Variants in TLE4 observed in about 807,000 individuals in gnomAD.
TLE4 encodes the protein transducin-like enhancer protein 4.
TLE4 carries 8 observed loss-of-function variants against 92.8 expected under a neutral mutation model. That is an observed-to-expected ratio of 0.09 (90% CI 0.05 to 0.16). The LOEUF (loss-of-function observed/expected upper bound fraction) is 0.16, where lower values mean the gene tolerates loss of function less well. Among genes scored for constraint, TLE4 ranks in the 10% least tolerant of loss-of-function variants. The pLI is 1.00. For missense variants in TLE4, 675 were observed against 997.6 expected (o/e 0.68, Z 4.36); for synonymous variants, 371 against 374.1 (o/e 0.99, Z 0.10).
chr9:79,722,638 G>C (rs376497326), intron 18 of TLE4, 37 bp downstream of exon 18: 10 of 1,606,410 alleles, frequency 6.2e-6, no homozygotes, highest in Admixed American at 1.7e-5. Context: ...CTGTCAACCA[G>C]AATTGCTCCT....
At chr9:79,701,022 TAAAA>T (rs2069693906) in intron 8 of TLE4, among the ~76,000 whole-genome samples, 2 of 147,478 alleles carry the variant, frequency 1.4e-5, no homozygotes, top group Admixed American at 6.7e-5. Flanking sequence ...TAAAAAATAA[TAAAA>T]TAAAAAGCTT....
rs370691277 is a variant in TLE4 at position 79,611,131 on chromosome 9, C to A, written c.253-1525C>A. ...AATGCTACTCTATTTTTATTGCTCA[C>A]CCTGGAATTTCACCCCATAACCACT... On this transcript the variant is annotated intron_variant, in intron 4 of 19. Transcript: ENST00000376552. 3.3e-5 allele frequency among the ~76,000 whole-genome samples: 5 copies of A among 152,144 alleles called. No individual in the cohort carries two copies. The South Asian group carries it at 1.0e-3, about 32-fold the overall frequency.
At chr9:79,640,024 T>G (rs1414426059) in intron 6 of TLE4, among the ~76,000 whole-genome samples, 4 of 151,826 alleles carry the variant, frequency 2.6e-5, no homozygotes, top group Non-Finnish European at 4.4e-5. Flanking sequence ...ACAGAAGGAG[T>G]TGAGTGTTAC....
chr9:79,598,860 C>T (rs953342617), intron 4 of TLE4, among the ~76,000 whole-genome samples: 3 of 152,066 alleles, frequency 2.0e-5, no homozygotes, highest in Admixed American at 6.6e-5. Context: ...ATTATAAACA[C>T]CTCGAGTTCA....
chr9:79,694,234 C>A (rs1316427279), intron 8 of TLE4, among the ~76,000 whole-genome samples: 1 of 152,118 alleles, frequency 6.6e-6, no homozygotes, highest in Non-Finnish European at 1.5e-5. Context: ...TCTGAAATGG[C>A]AAGTAGAATG....
intron 8 of TLE4, among the ~76,000 whole-genome samples, chr9:79,694,362 G>A (rs73457298): frequency 1.3e-5 from 2 of 152,164 alleles, no homozygotes; most frequent in East Asian, 1.9e-4. Flanking sequence ...TTTTAGCACT[G>A]GTTAGTGGAG....
chr9:79,719,063 G>A, intron 15 of TLE4, 92 bp downstream of exon 15: 1 of 1,500,044 alleles, frequency 6.7e-7, no homozygotes, highest in Non-Finnish European at 8.9e-7. Flanking sequence ...ACACCACACA[G>A]TATTGATCCC....
intron 4 of TLE4, among the ~76,000 whole-genome samples, chr9:79,606,183 A>AGTT (rs749115254): frequency 3.7e-4 from 11 of 29,498 alleles, no homozygotes; most frequent in Non-Finnish European, 5.9e-4. Flanking sequence ...AAGCAGTAGT[A>AGTT]GTTGTTTTTT....
Position 79,598,093 on chromosome 9 carries a change from A to AAC in TLE4, c.253-14562_253-14561insCA, listed in dbSNP as rs1554700664. 5.2e-3 allele frequency among the ~76,000 whole-genome samples: 785 copies of AAC among 150,142 alleles called. 6 individuals are homozygous for AAC. The highest frequency in any genetic ancestry group is 0.018 in the African/African-American group (714 of 40,580). ...TGAAAAAGAAAAAAAAAAAAAAAAA[A>AAC]AAAAACTTACCCAGGCGTGGTGGCA... On this transcript the variant is annotated intron_variant, in intron 4 of 19. Transcript: ENST00000376552.
At chr9:79,580,480 G>C (rs1309731790) in intron 4 of TLE4, 1 of 152,162 alleles carries the variant, frequency 6.6e-6, no homozygotes, top group East Asian at 1.9e-4. Flanking sequence ...TTCTAGCCTT[G>C]AGTGTACTTG....
chr9:79,675,206 A>T (rs1365483621), intron 8 of TLE4, among the ~76,000 whole-genome samples: 1 of 152,104 alleles, frequency 6.6e-6, no homozygotes, highest in Non-Finnish European at 1.5e-5. Flanking sequence ...TGACTTTTGG[A>T]GATTTACAGC....
chr9:79,593,204 CAAAA>C (rs919083179), intron 4 of TLE4, among the ~76,000 whole-genome samples: 1 of 147,934 alleles, frequency 6.8e-6, no homozygotes, highest in Admixed American at 6.8e-5. Context: ...AGATCCATTC[CAAAA>C]AAAAACGAAA....
At chr9:79,677,310 G>C (rs2063449984) in intron 8 of TLE4, among the ~76,000 whole-genome samples, 2 of 152,090 alleles carry the variant, frequency 1.3e-5, no homozygotes, top group African/African-American at 4.8e-5. Flanking sequence ...TATTAATTTA[G>C]TTCGTGGCCT....
At chr9:79,689,937 A>G (rs973245708) in intron 8 of TLE4, among the ~76,000 whole-genome samples, 1 of 152,112 alleles carries the variant, frequency 6.6e-6, no homozygotes, top group South Asian at 2.1e-4. Flanking sequence ...GTCTGATTTA[A>G]TTGTTCTGGG....
At chr9:79,720,901 G>A (rs146206350) in intron 16 of TLE4, among the ~76,000 whole-genome samples, 2 of 152,270 alleles carry the variant, frequency 1.3e-5, no homozygotes, top group African/African-American at 2.4e-5. Context: ...CTTTACAAAT[G>A]AGATTATAAA....
At chr9:79,671,030 C>T (rs985498561) in intron 8 of TLE4, among the ~76,000 whole-genome samples, 1 of 147,296 alleles carries the variant, frequency 6.8e-6, no homozygotes, top group East Asian at 2.0e-4. Context: ...TGCCAGGCCA[C>T]AGGGAAATTA....
chr9:79,582,917 G>A (rs2040078414), intron 4 of TLE4, among the ~76,000 whole-genome samples: 1 of 152,148 alleles, frequency 6.6e-6, no homozygotes, highest in African/African-American at 2.4e-5. Context: ...GGGCAATGGA[G>A]TATTTACACT....
At chr9:79,613,729 A>G (rs1361105973) in intron 5 of TLE4, among the ~76,000 whole-genome samples, 2 of 152,148 alleles carry the variant, frequency 1.3e-5, no homozygotes, top group Non-Finnish European at 2.9e-5. Flanking sequence ...GCCAGCGGGC[A>G]TGTGCCAATG....
At chr9:79,711,857 C>T (rs2073372837) in intron 14 of TLE4, among the ~76,000 whole-genome samples, 1 of 152,188 alleles carries the variant, frequency 6.6e-6, no homozygotes, top group South Asian at 2.1e-4. Context: ...GACAGAGTCA[C>T]ATCTACTGCA....
Sources: allele counts gnomAD v4.1 joint callset (sites outside exome capture counted in the v4.1 genomes callset), GRCh38; gene constraint gnomAD v4.1.1; transcripts MANE v1.5; gene names NCBI Gene and HGNC (gene_info 2026-07-23, HGNC 2026-07-21).